LBR: variants seen among roughly 807,000 people sequenced by gnomAD.
The protein encoded by LBR is delta(14)-sterol reductase LBR.
In LBR, 28 loss-of-function variants were observed where a neutral mutation model predicts 74.3. The ratio of observed to expected loss-of-function variants is 0.38; its 90% CI spans 0.28 to 0.52. LBR has a LOEUF of 0.52. LBR is among the 20% of genes least tolerant of loss of function. The pLI is 0.89. For missense variants in LBR, 717 were observed against 760.3 expected (o/e 0.94, Z 0.67); for synonymous variants, 228 against 269.3 (o/e 0.85, Z 1.50).
chr1:225,405,225 T>G (rs16844846), intron 11 of LBR, among the ~76,000 whole-genome samples: 6,833 of 152,252 alleles, frequency 0.045, 177 homozygotes, highest in South Asian at 0.07. Flanking sequence ...GAATCCCACT[T>G]TAAGTCTATA....
At chr1:225,405,882 T>A (rs765027365) in intron 11 of LBR, among the ~76,000 whole-genome samples, 4 of 152,376 alleles carry the variant, frequency 2.6e-5, no homozygotes, top group South Asian at 2.1e-4. Flanking sequence ...CCACAGATAC[T>A]AACTTGTGTA....
intron 8 of LBR, 122 bp from the exon 9 acceptor site, chr1:225,411,562 T>C: frequency 1.3e-6 from 1 of 769,476 alleles, no homozygotes; most frequent in East Asian, 2.6e-5. Flanking sequence ...TGAGCAGGGC[T>C]CTGGTGGTGA....
chr1:225,409,258 G>T (rs2096099392), intron 10 of LBR, among the ~76,000 whole-genome samples: 1 of 152,210 alleles, frequency 6.6e-6, no homozygotes, highest in Non-Finnish European at 1.5e-5. Flanking sequence ...TTAGCGGATA[G>T]CACTAATCCC....
At chr1:225,403,586 A>C in intron 13 of LBR, 123 bp from the exon 14 acceptor site, 2 of 738,204 alleles carry the variant, frequency 2.7e-6, no homozygotes, top group Non-Finnish European at 4.5e-6. Context: ...TCTAATAATG[A>C]TGAGAATAAT....
In LBR at chr1:225,412,487, C is replaced by T. The variant is rs1454335895; in HGVS notation, c.1051G>A (p.Ala351Thr). The T allele has an allele frequency of 1.2e-6, 2 of 1,613,988 alleles. No homozygotes were observed. The highest frequency in any genetic ancestry group is 1.3e-5 in the African/African-American group (1 of 74,886). Reference protein sequence around the residue: ...SVYLYMRSLKAPRNDLSPASS... With the variant: ...SVYLYMRSLKTPRNDLSPASS... Reference sequence around the variant, plus strand: ...GCAGGCGACAGGTCATTCCGGGGCGCTTTCAAAGAGCGCATGTAGAGATAC... The same window carrying T: ...GCAGGCGACAGGTCATTCCGGGGCGTTTTCAAAGAGCGCATGTAGAGATAC... Residue 351 changes from alanine to threonine, a missense_variant, in exon 8 of 14, where the codon GCG (alanine) becomes ACG (threonine). By Grantham distance (58) the Ala-to-Thr change is moderately conservative. Transcript: ENST00000272163.
At chr1:225,408,410 G>A (rs1318747963) in intron 10 of LBR, among the ~76,000 whole-genome samples, 1 of 152,230 alleles carries the variant, frequency 6.6e-6, no homozygotes, top group African/African-American at 2.4e-5. Context: ...GGTGTGGTGA[G>A]TGGCAGTGAG....
chr1:225,404,352 C>CA, intron 13 of LBR, 52 bp downstream of exon 13: 1 of 1,611,938 alleles, frequency 6.2e-7, no homozygotes, highest in Non-Finnish European at 8.5e-7. Context: ...CACACACACA[C>CA]ATCTTTCTGG....
Position 225,415,294 on chromosome 1 carries a change from G to T in LBR, c.876C>A (p.Leu292=), listed in dbSNP as rs1369765305. 3 of 1,593,390 alleles carry T rather than the reference G, an allele frequency of 1.9e-6. No individual in the cohort carries two copies. The highest frequency in any genetic ancestry group is 2.6e-6 in the Non-Finnish European group (3 of 1,164,456). Residue 292 remains leucine (L), a synonymous_variant, in exon 7 of 14, where the codon CTC becomes CTA. Transcript: ENST00000272163. ...GAAAATCACCATTTAATCTATACTT[G>T]AGTCTTCTTCCATCAATAAGAGGCG... ...EGTPLIDGRR[L]KYRLNGFYAF...
rs1010052332 is a variant in LBR, at chr1:225,403,231, G to A, written c.*72C>T. ...TGTCAGTGCAACAAAAGAAAGTTTC[G>A]GATTTTTTTCCTTGTTTTTGCAAAT... On this transcript the variant is annotated 3_prime_UTR_variant, in exon 14 of 14. Transcript: ENST00000272163. 2.0e-5 allele frequency: 30 copies of A among 1,486,912 alleles called. No homozygotes were observed. Among genetic ancestry groups the A allele is most frequent in the African/African-American group, 1.1e-4 (8 of 72,238 alleles). The allele number at this position is 1,486,912 out of a possible 1,614,324, so 92.1% of individuals were successfully genotyped here. A position where few individuals can be genotyped will look rare whatever the true frequency, so the allele number is the denominator to read the frequency against.
intron 7 of LBR, among the ~76,000 whole-genome samples, chr1:225,414,925 C>A (rs1372527308): frequency 2.0e-5 from 3 of 152,168 alleles, no homozygotes; most frequent in African/African-American, 7.2e-5. Flanking sequence ...AAGGGACAAC[C>A]CAGAGGACAT....
At chr1:225,417,480 TGAAA>T (rs2096119578) in intron 6 of LBR, 1 of 152,840 alleles carries the variant, frequency 6.5e-6, no homozygotes. Flanking sequence ...AACAAGCTTC[TGAAA>T]GAGATGAAAA....
In LBR at chr1:225,406,592, T is replaced by C. The variant is rs142464159; in HGVS notation, c.1483+72A>G. ...TTCAAAATGGCATGTTTCAAGTATG[T>C]AGACAGCAGGGCATAAAAGCCTCAG... is the stretch of plus-strand genomic sequence containing the variant. On this transcript the variant is annotated intron_variant, in intron 11 of 13. Coordinates refer to ENST00000272163, the MANE Select transcript of LBR (RefSeq NM_002296.4). 4.4e-4 allele frequency: 582 copies of C among 1,335,916 alleles called. 1 individual carries two copies. The highest frequency in any genetic ancestry group is 5.4e-4 in the Non-Finnish European group (517 of 948,974). 82.8% of individuals were successfully genotyped at this position (1,335,916 alleles called of 1,614,324 possible).
upstream of LBR, among the ~76,000 whole-genome samples, chr1:225,428,243 T>G (rs1322644259): frequency 1.3e-5 from 2 of 151,810 alleles, no homozygotes; most frequent in African/African-American, 4.8e-5. Flanking sequence ...CGCCCCACCC[T>G]GCCTGGGGGC....
intron 10 of LBR, among the ~76,000 whole-genome samples, chr1:225,408,599 C>T (rs745369355): frequency 1.1e-4 from 17 of 152,210 alleles, no homozygotes; most frequent in Non-Finnish European, 2.5e-4. Context: ...TATCAAGTGA[C>T]CTGACAGAAG....
chr1:225,428,252 G>A (rs946806260), upstream of LBR, among the ~76,000 whole-genome samples: 5 of 152,088 alleles, frequency 3.3e-5, no homozygotes, highest in Non-Finnish European at 5.9e-5. Flanking sequence ...CTGCCTGGGG[G>A]CGGGGAGGCC....
chr1:225,410,463 G>C, intron 9 of LBR, 47 bp from the exon 10 acceptor site: 2 of 1,603,356 alleles, frequency 1.2e-6, no homozygotes, highest in Non-Finnish European at 1.7e-6. Flanking sequence ...CCTCCCCAGA[G>C]ACCTTAGCAC....
intron 6 of LBR, 75 bp from the exon 7 acceptor site, chr1:225,415,407 T>C (rs1214365860): frequency 2.8e-6 from 2 of 722,196 alleles, no homozygotes; most frequent in Non-Finnish European, 2.4e-6. Flanking sequence ...CACACATATA[T>C]ATATTCTAGT....
At chr1:225,423,762 A>G (rs1259596898) in intron 2 of LBR, 149 bp downstream of exon 2, 1 of 784,818 alleles carries the variant, frequency 1.3e-6, no homozygotes, top group Non-Finnish European at 2.2e-6. Context: ...ATACATTCCC[A>G]GAGCCAAAAA....
intron 10 of LBR, among the ~76,000 whole-genome samples, chr1:225,407,974 T>C (rs545857271): frequency 8.3e-4 from 126 of 152,298 alleles, no homozygotes; most frequent in Admixed American, 2.5e-3. Flanking sequence ...ATGTAATATA[T>C]AGTAATCCAA....
Sources: allele counts gnomAD v4.1 joint callset (sites outside exome capture counted in the v4.1 genomes callset), GRCh38; gene constraint gnomAD v4.1.1; transcripts MANE v1.5; gene names NCBI Gene and HGNC (gene_info 2026-07-23, HGNC 2026-07-21).